Variants in UPF1 observed in about 807,000 individuals in gnomAD.
UPF1 encodes regulator of nonsense transcripts 1.
A neutral mutation model predicts 129.2 loss-of-function variants in UPF1; 9 were observed. The ratio of observed to expected loss-of-function variants is 0.07; its 90% CI spans 0.04 to 0.12. The LOEUF (loss-of-function observed/expected upper bound fraction) is 0.12, where lower values mean the gene tolerates loss of function less well. Ranked by LOEUF, UPF1 falls within the 10% of genes least tolerant of loss-of-function variation. UPF1 has a pLI of 1.00. For synonymous variants in UPF1, 649 were observed against 644.9 expected, an observed-to-expected ratio of 1.01 and a Z score of -0.10; for missense variants, 788 against 1,525.3, an observed-to-expected ratio of 0.52 and a Z score of 8.05.
At chr19:18,849,284 G>C (rs572613212) in intron 3 of UPF1, 1 of 153,292 alleles carries the variant, frequency 6.5e-6, no homozygotes, top group Admixed American at 6.5e-5. Context: ...GAGAGGGCGC[G>C]GTGAGGAAGG....
chr19:18,863,242 C>T (rs1568283349), intron 18 of UPF1, 196 bp from the exon 19 acceptor site: 1 of 650,456 alleles, frequency 1.5e-6, no homozygotes, highest in Non-Finnish European at 2.6e-6. Flanking sequence ...GCCACAAAAT[C>T]AACCCGTGTG....
At chr19:18,842,072 G>A (rs2055547882) in intron 1 of UPF1, among the ~76,000 whole-genome samples, 2 of 152,152 alleles carry the variant, frequency 1.3e-5, no homozygotes, top group Non-Finnish European at 1.5e-5. Context: ...ACTCCAGCCT[G>A]GGTGGCAGAG....
intron 1 of UPF1, among the ~76,000 whole-genome samples, chr19:18,835,051 T>C (rs2055469062): frequency 6.6e-6 from 1 of 152,150 alleles, no homozygotes; most frequent in Non-Finnish European, 1.5e-5. Flanking sequence ...CAGTAAACTT[T>C]AGAACATTTT....
intron 19 of UPF1, 141 bp downstream of exon 19, chr19:18,863,753 TG>T (rs2055808276): frequency 8.4e-7 from 1 of 1,193,874 alleles, no homozygotes; most frequent in Admixed American, 2.6e-5. Context: ...TAGGGGAGGG[TG>T]GGCCAGCCCA....
chr19:18,855,153 A>G lies in UPF1; in HGVS notation c.1455A>G (p.Arg485=). ...ATGCCGTGAAGACTGTGCTGCAAAGACCACTGAGCCTGATCCAGGGCCCGC... is the reference window on the plus strand; with the variant it reads ...ATGCCGTGAAGACTGTGCTGCAAAGGCCACTGAGCCTGATCCAGGGCCCGC... ...QVYAVKTVLQ[R]PLSLIQGPPG... The change falls in exon 11 of 24, where the codon AGA becomes AGG. Residue 485 remains arginine (R), a synonymous_variant. Transcript: ENST00000262803. 1 of 1,613,900 alleles carries G rather than the reference A, an allele frequency of 6.2e-7. No individual in the cohort carries two copies. The highest frequency in any genetic ancestry group is 8.5e-7 in the Non-Finnish European group (1 of 1,179,958).
Position 18,865,877 on chromosome 19 carries a change from G to T in UPF1, c.3237+99G>T. 1.3e-6 allele frequency: 2 copies of T among 1,574,420 alleles called. No homozygotes were observed. On this transcript the variant is annotated intron_variant, in intron 22 of 23. Coordinates refer to ENST00000262803, the MANE Select transcript of UPF1 (RefSeq NM_002911.4). The surrounding 1 kb of genome is among the most constrained non-coding windows in gnomAD (Gnocchi z 6.1). ...GCCCCAGAGAGCTGGCCTGGCCCAT[G>T]TCCACTGTCTGAATTACCTGTCCCT...
intron 10 of UPF1, 25 bp from the exon 11 acceptor site, chr19:18,855,099 C>G (rs748241668): frequency 6.2e-7 from 1 of 1,613,578 alleles, no homozygotes; most frequent in Non-Finnish European, 8.5e-7. Flanking sequence ...GCGGAGGCTG[C>G]CCCTAACGGC....
rs1487912899 is a variant in UPF1, at chr19:18,860,887, G to T, written c.2362G>T (p.Asp788Tyr). The part of the protein sequence containing the change: ...TKLLKAGAKP[D>Y]QIGIITPYEG... ...GTTGCTGAAGGCAGGCGCCAAGCCG[G>T]ACCAGATTGGCATCATCACGCCCTA... The change falls in exon 17 of 24, where the codon GAC (aspartate) becomes TAC (tyrosine). Residue 788 changes from aspartate to tyrosine, a missense_variant. Transcript: ENST00000262803. 1 of 1,609,854 alleles carries T rather than the reference G, an allele frequency of 6.2e-7. No individual in the cohort carries two copies.
chr19:18,861,305 A>G (rs968003682), intron 17 of UPF1, among the ~76,000 whole-genome samples: 2 of 152,202 alleles, frequency 1.3e-5, no homozygotes, highest in African/African-American at 4.8e-5. Context: ...CCTGCCACAC[A>G]CTGGATGTTG....
intron 1 of UPF1, among the ~76,000 whole-genome samples, chr19:18,844,042 G>A (rs892810901): frequency 6.6e-6 from 1 of 152,116 alleles, no homozygotes; most frequent in Non-Finnish European, 1.5e-5. Flanking sequence ...TAGCCTTGAA[G>A]TGACCTACTG....
intron 1 of UPF1, among the ~76,000 whole-genome samples, 166 bp from the exon 2 acceptor site, chr19:18,845,814 G>T (rs1325456109): frequency 6.6e-6 from 1 of 152,088 alleles, no homozygotes; most frequent in African/African-American, 2.4e-5. Flanking sequence ...CCCTTTTTTG[G>T]CCAGGTAGGT....
intron 11 of UPF1, chr19:18,855,707 G>A (rs2055709571): frequency 1.6e-6 from 1 of 627,658 alleles, no homozygotes; most frequent in Admixed American, 3.2e-5. Context: ...AATTAGCTGG[G>A]GGTAGTGGCG....
In UPF1 at chr19:18,832,176, C is replaced by T; in HGVS notation, c.-34C>T. On this transcript the variant is annotated 5_prime_UTR_variant, in exon 1 of 24. Coordinates refer to ENST00000262803, the MANE Select transcript of UPF1 (RefSeq NM_002911.4). The surrounding 1 kb of genome is among the most constrained non-coding windows in gnomAD (Gnocchi z 5.6). Reference sequence around the variant, plus strand: ...CGCGGCGGCGGGCTCGAGTGCAGCGCGGAACCGGCCCGAGGGCCCTACCCG... The same window carrying T: ...CGCGGCGGCGGGCTCGAGTGCAGCGTGGAACCGGCCCGAGGGCCCTACCCG... The T allele has an allele frequency of 6.6e-7, 1 of 1,506,704 alleles. No individual in the cohort carries two copies. Among genetic ancestry groups the T allele is most frequent in the Non-Finnish European group, 8.9e-7 (1 of 1,123,910 alleles). 93.3% of individuals were successfully genotyped at this position (1,506,704 alleles called of 1,614,324 possible).
chr19:18,846,226 G>T (rs1568273356), intron 2 of UPF1, 107 bp downstream of exon 2: 1 of 1,504,960 alleles, frequency 6.6e-7, no homozygotes, highest in Non-Finnish European at 9.0e-7. Context: ...CTTGTGCTGT[G>T]ACTCTGGGTG....
At chr19:18,857,209 T>C in intron 14 of UPF1, 111 bp from the exon 15 acceptor site, 1 of 1,463,504 alleles carries the variant, frequency 6.8e-7, no homozygotes, top group Non-Finnish European at 9.3e-7. Flanking sequence ...GCAATGCCCC[T>C]GTGGCCAGGT....
intron 14 of UPF1, 75 bp downstream of exon 14, chr19:18,857,095 T>C: frequency 6.4e-7 from 1 of 1,558,584 alleles, no homozygotes; most frequent in Non-Finnish European, 8.7e-7. Context: ...TAAAACACCT[T>C]GTATTGACGT....
chr19:18,838,944 G>C (rs2055511868), intron 1 of UPF1, among the ~76,000 whole-genome samples: 1 of 152,034 alleles, frequency 6.6e-6, no homozygotes, highest in Non-Finnish European at 1.5e-5. Flanking sequence ...GGATGACGGG[G>C]TGGGGGATTA....
intron 15 of UPF1, among the ~76,000 whole-genome samples, chr19:18,858,803 C>CA (rs1411615634): frequency 2.0e-5 from 3 of 152,136 alleles, no homozygotes; most frequent in Non-Finnish European, 4.4e-5. Flanking sequence ...AAATAACTAA[C>CA]ACGTAATGGG....
rs1057226885 is a variant in UPF1 at position 18,832,709 on chromosome 19, C to T, written c.231+269C>T. Among the ~76,000 whole-genome samples the T allele has an allele frequency of 2.6e-5, 4 of 152,204 alleles. No individual in the cohort carries two copies. The highest frequency in any genetic ancestry group is 9.7e-5 in the African/African-American group (4 of 41,450). On this transcript the variant is annotated intron_variant, in intron 1 of 23. Coordinates refer to ENST00000262803, the MANE Select transcript of UPF1 (RefSeq NM_002911.4). The surrounding 1 kb of genome is among the most constrained non-coding windows in gnomAD (Gnocchi z 5.6). ...TTCCTTCGGCCCCCAACTCCTGGGC[C>T]GGGCAGACTTGCCTCGAGTCCTCCA...
Sources: allele counts gnomAD v4.1 joint callset (sites outside exome capture counted in the v4.1 genomes callset), GRCh38; gene constraint gnomAD v4.1.1; non-coding constraint Gnocchi (gnomAD v3.1); transcripts MANE v1.5; gene names NCBI Gene and HGNC (gene_info 2026-07-23, HGNC 2026-07-21).